Variants in NEB observed in about 807,000 individuals in gnomAD.
NEB encodes nebulin.
In NEB, 512 loss-of-function variants were observed where a neutral mutation model predicts 952.2. That is an observed-to-expected ratio of 0.54 (90% CI 0.50 to 0.58). The LOEUF (loss-of-function observed/expected upper bound fraction) is 0.58. Ranked by LOEUF, NEB falls within the 20% of genes least tolerant of loss-of-function variation. The pLI is 0.00. For synonymous variants in NEB, 2,900 were observed against 3,149.8 expected, an observed-to-expected ratio of 0.92 and a Z score of 2.66; for missense variants, 8,428 against 9,231.1, an observed-to-expected ratio of 0.91 and a Z score of 3.56.
chr2:151,570,747 C>A (rs1192225086), intron 107 of NEB, 146 bp from the exon 108 acceptor site: 2 of 704,222 alleles, frequency 2.8e-6, no homozygotes, highest in African/African-American at 1.8e-5. Flanking sequence ...GAGAATCATT[C>A]TATGCACCAT....
At chr2:151,528,314 A>T (rs1576362040) in intron 146 of NEB, among the ~76,000 whole-genome samples, 1 of 152,350 alleles carries the variant, frequency 6.6e-6, no homozygotes, top group East Asian at 1.9e-4. Flanking sequence ...CTCTCTTTTT[A>T]AAATTGAGGT....
chr2:151,558,474 C>G (rs1172387697), intron 124 of NEB, among the ~76,000 whole-genome samples: 2 of 152,014 alleles, frequency 1.3e-5, no homozygotes, highest in East Asian at 3.9e-4. Flanking sequence ...CTATCCCCAT[C>G]AAGCTACCAT....
At chr2:151,686,110 G>C (rs2099496181) in intron 27 of NEB, among the ~76,000 whole-genome samples, 1 of 152,136 alleles carries the variant, frequency 6.6e-6, no homozygotes, top group African/African-American at 2.4e-5. Flanking sequence ...AACTGATAAA[G>C]CAATATTGCA....
Position 151,635,621 on chromosome 2 carries a change from G to A in NEB, c.9102+606C>T, listed in dbSNP as rs971425912. On this transcript the variant is annotated intron_variant, in intron 64 of 181. Transcript: ENST00000397345. ...CTCGGGAGGCTGAGGCAGGAGAATC[G>A]CTTGACCCCAGGGGGCAGAGGTTGC... Among the ~76,000 whole-genome samples the A allele has an allele frequency of 9.3e-5, 14 of 150,324 alleles. No individual in the cohort carries two copies. In the East Asian group the frequency reaches 1.6e-3, roughly 17 times the overall value.
rs758427936 is a variant in NEB at position 151,616,058 on chromosome 2, G to A, written c.11233C>T (p.Arg3745Cys). The A allele has an allele frequency of 1.4e-5, 22 of 1,612,848 alleles. No individual in the cohort carries two copies. The highest frequency in any genetic ancestry group is 3.3e-5 in the Admixed American group (2 of 59,896). The stretch of plus-strand genomic sequence containing the variant: ...GCTTGGATTGGAATGGCATCCAGAC[G>A]CAAGTCATAGCCTTCCTTCTTGGAC... Reference protein sequence around the residue: ...EESKKEGYDLRLDAIPIQAAK... With the variant: ...EESKKEGYDLCLDAIPIQAAK... The change falls in exon 76 of 182, where the codon CGT becomes TGT. Residue 3745 changes from arginine to cysteine, a missense_variant. By Grantham distance (180) the Arg-to-Cys change is radical (BLOSUM62 -3). Around this residue, in one of 11 missense-constraint regions of NEB, gnomAD observed 1,772 missense variants for 1,960.3 expected, o/e 0.90. Coordinates refer to ENST00000397345, the MANE Select transcript of NEB (RefSeq NM_001164508.2).
In NEB at chr2:151,491,741, A is replaced by C; in HGVS notation, c.25092T>G (p.Val8364=). The change falls in exon 179 of 182, where the codon GTT becomes GTG. Residue 8364 remains valine, a synonymous_variant. Coordinates refer to ENST00000397345, the MANE Select transcript of NEB (RefSeq NM_001164508.2). ...TGTCTTCTGCTGGATCATAGTCAAA[A>C]ACCGAACCAGGATTAGTACGCCAGA... The part of the protein sequence containing the change: ...LRVWRTNPGS[V]FDYDPAEDNI... 6.3e-7 allele frequency: 1 copy of C among 1,597,052 alleles called. No homozygotes were observed. Among genetic ancestry groups the C allele is most frequent in the Non-Finnish European group, 8.5e-7 (1 of 1,171,200 alleles).
chr2:151,491,869 G>T, intron 178 of NEB, 94 bp from the exon 179 acceptor site: 1 of 1,086,362 alleles, frequency 9.2e-7, no homozygotes, highest in Non-Finnish European at 1.3e-6. Context: ...CCAAAGGATT[G>T]AATCACACTT....
At chr2:151,680,145 G>T in intron 30 of NEB, 123 bp from the exon 31 acceptor site, 1 of 728,098 alleles carries the variant, frequency 1.4e-6, no homozygotes. Context: ...CACTCTTTGT[G>T]CATTTGCATA....
chr2:151,490,441 C>T lies in NEB; in HGVS notation c.25228G>A (p.Glu8410Lys), dbSNP rs935012876. ...TGGTGGTCTGGTGCTTCTGAATGCT[C>T]AGACTTCTCCTCACCCCCACTGATG... ...LSISGGEEKS[E>K]HSEAPDHHLS... Residue 8410 changes from glutamate to lysine, a missense_variant, in exon 180 of 182, where the codon GAG becomes AAG. Physicochemically the swap from Glu to Lys is moderately conservative, Grantham distance 56 (BLOSUM62 1). Around this residue, in one of 11 missense-constraint regions of NEB, gnomAD observed 3,374 missense variants for 3,651.5 expected, o/e 0.92. Coordinates refer to ENST00000397345, the MANE Select transcript of NEB (RefSeq NM_001164508.2). 1.2e-5 allele frequency: 20 copies of T among 1,605,040 alleles called. No individual in the cohort carries two copies. Among genetic ancestry groups the T allele is most frequent in the African/African-American group, 9.4e-5 (7 of 74,736 alleles).
At chr2:151,664,392 C>T in intron 44 of NEB, 109 bp downstream of exon 44, 3 of 733,916 alleles carry the variant, frequency 4.1e-6, no homozygotes, top group Non-Finnish European at 6.4e-6. Context: ...CATGGGATGG[C>T]ATTCCCACCA....
chr2:151,486,642 A>G (rs986875400), intron 181 of NEB: 3 of 152,298 alleles, frequency 2.0e-5, no homozygotes, highest in Non-Finnish European at 4.4e-5. Context: ...GATCTGGTAT[A>G]TCCATACAGA....
In NEB at chr2:151,677,993, C is replaced by T; in HGVS notation, c.3450G>A (p.Lys1150=). The T allele has an allele frequency of 6.2e-7, 1 of 1,613,982 alleles. No homozygotes were observed. The highest frequency in any genetic ancestry group is 8.5e-7 in the Non-Finnish European group (1 of 1,179,890). Reference sequence around the variant, plus strand: ...CATTGCTGACCACATCCTGGGCTTTCTTAGCCGCCACGACATTGAACATAT... The same window carrying T: ...CATTGCTGACCACATCCTGGGCTTTTTTAGCCGCCACGACATTGAACATAT... The part of the protein sequence containing the change: ...PHDMFNVVAA[K]KAQDVVSNVN... Residue 1150 remains lysine, a synonymous_variant, in exon 33 of 182, where the codon AAG becomes AAA. Transcript: ENST00000397345.
At chr2:151,493,037 G>A (rs1046375865) in intron 176 of NEB, 10 of 272,178 alleles carry the variant, frequency 3.7e-5, no homozygotes, top group Middle Eastern at 1.3e-3. Flanking sequence ...GAGGATGTTA[G>A]GAAGTAAATT....
rs769703207 is a variant in NEB at position 151,548,336 on chromosome 2, A to T, written c.20129T>A (p.Val6710Asp). Residue 6710 changes from valine to aspartate, a missense_variant, in exon 131 of 182, where the codon GTC (valine) becomes GAC (aspartate). Coordinates refer to ENST00000397345, the MANE Select transcript of NEB (RefSeq NM_001164508.2). The part of the protein sequence containing the change: ...LGPKDVPFVH[V>D]RRVNNVTSER... ...GCTGGTAACATTGTTGACTCTCCGG[A>T]CGTGGACAAATGGAACATCTTTGGG... 6.2e-7 allele frequency: 1 copy of T among 1,613,538 alleles called. No homozygotes were observed. Among genetic ancestry groups the T allele is most frequent in the Admixed American group, 1.7e-5 (1 of 60,014 alleles).
intron 153 of NEB, among the ~76,000 whole-genome samples, chr2:151,520,356 C>G (rs983499107): frequency 2.0e-5 from 3 of 151,754 alleles, no homozygotes; most frequent in Admixed American, 2.0e-4. Context: ...TGATTTCAGA[C>G]TAGAAGTAGG....
chr2:151,567,303 C>T lies in NEB; in HGVS notation c.18021G>A (p.Val6007=). The T allele has an allele frequency of 6.2e-7, 1 of 1,613,922 alleles. No individual in the cohort carries two copies. The highest frequency in any genetic ancestry group is 8.5e-7 in the Non-Finnish European group (1 of 1,179,842). The change falls in exon 114 of 182, where the codon GTG becomes GTA. Residue 6007 remains valine (V), a synonymous_variant. Coordinates refer to ENST00000397345, the MANE Select transcript of NEB (RefSeq NM_001164508.2). The part of the protein sequence containing the change: ...KAKINIPADM[V]SVLAAKQGQT... Reference sequence around the variant, plus strand: ...GCCCCTGCTTGGCGGCCAAGACTGACACCATATCAGCAGGTATATTGATTT... The same window carrying T: ...GCCCCTGCTTGGCGGCCAAGACTGATACCATATCAGCAGGTATATTGATTT...
chr2:151,619,437 TC>T lies in NEB; in HGVS notation c.10872+13del. ...CCGCTTTTAACATGCAGAGCTAACA[TC>T]AAGGAAACTTACGTCACTCTGGAGG... On this transcript the variant is annotated intron_variant, in intron 73 of 181. Transcript: ENST00000397345. 6.3e-7 allele frequency: 1 copy of T among 1,579,502 alleles called. No individual in the cohort carries two copies. The highest frequency in any genetic ancestry group is 8.6e-7 in the Non-Finnish European group (1 of 1,158,882).
Position 151,618,441 on chromosome 2 carries a change from A to G in NEB, c.10910T>C (p.Ile3637Thr), listed in dbSNP as rs2098276722. ...CAAGGAATCAATCGGAACCCAGCCA[A>G]TGCCTTTCATCCATTCAAGGTCTGA... ...YKSDLEWMKG[I>T]GWVPIDSLEV... The change falls in exon 74 of 182, where the codon ATT becomes ACT. Residue 3637 changes from isoleucine to threonine, a missense_variant. Coordinates refer to ENST00000397345, the MANE Select transcript of NEB (RefSeq NM_001164508.2). 2 of 1,613,832 alleles carry G rather than the reference A, an allele frequency of 1.2e-6. No individual in the cohort carries two copies. The highest frequency in any genetic ancestry group is 3.3e-5 in the Admixed American group (2 of 59,994).
At position 151,512,834 on chromosome 2, in the gene NEB, T is replaced by G. The variant is rs1240595289; in HGVS notation, c.23245A>C (p.Lys7749Gln). ...RNATDIASQI[K>Q]YKQSAEMEKA... ...TCCATTTCTGCTGATTGCTTATACT[T>G]AATCTGTAAAACAACACCGAATAGT... The change falls in exon 161 of 182, where the codon AAG becomes CAG. Residue 7749 changes from lysine (K) to glutamine (Q), a missense_variant. Lys to Gln is a moderately conservative substitution (Grantham distance 53, BLOSUM62 1). This residue lies in a region of NEB where 3,374 missense variants were observed against 3,651.5 expected (regional missense o/e 0.92). Coordinates refer to ENST00000397345, the MANE Select transcript of NEB (RefSeq NM_001164508.2). The G allele has an allele frequency of 1.2e-6, 2 of 1,605,266 alleles. No individual in the cohort carries two copies.
Sources: allele counts gnomAD v4.1 joint callset (sites outside exome capture counted in the v4.1 genomes callset), GRCh38; gene constraint gnomAD v4.1.1; regional missense constraint gnomAD v4.1.1; transcripts MANE v1.5; gene names NCBI Gene and HGNC (gene_info 2026-07-23, HGNC 2026-07-21).